The following SPOCK3 variants were observed in gnomAD, a reference collection of about 807,000 sequenced individuals.
The protein encoded by SPOCK3 is SPARC (osteonectin), cwcv and kazal like domains proteoglycan 3, also known as testican-3.
SPOCK3 carries 30 observed loss-of-function variants against 56.6 expected under a neutral mutation model. That is an observed-to-expected ratio of 0.53 (90% CI 0.40 to 0.72). SPOCK3 has a LOEUF of 0.72. Among genes scored for constraint, SPOCK3 ranks in the 30% least tolerant of loss-of-function variants. The pLI, the probability that SPOCK3 is intolerant of heterozygous loss-of-function variation, is 0.00. For missense variants in SPOCK3, 527 were observed against 530.0 expected, an observed-to-expected ratio of 0.99 and a Z score of 0.06; for synonymous variants, 196 against 183.3, an observed-to-expected ratio of 1.07 and a Z score of -0.56.
chr4:167,077,682 T>C, intron 2 of SPOCK3, among the ~76,000 whole-genome samples: 1 of 151,976 alleles, frequency 6.6e-6, no homozygotes, highest in South Asian at 2.1e-4. Flanking sequence ...CGATGCTCTG[T>C]ACTCCTCATT....
chr4:166,970,766 G>C (rs748006849), intron 4 of SPOCK3, among the ~76,000 whole-genome samples: 6 of 151,646 alleles, frequency 4.0e-5, no homozygotes, highest in Non-Finnish European at 7.4e-5. Flanking sequence ...CACAGGACTT[G>C]ATCACTTATA....
At chr4:166,886,799 A>G (rs1366372718) in intron 6 of SPOCK3, among the ~76,000 whole-genome samples, 1 of 152,210 alleles carries the variant, frequency 6.6e-6, no homozygotes, top group East Asian at 1.9e-4. Context: ...TACCTAAGGC[A>G]TGCTTCTAAT....
intron 2 of SPOCK3, among the ~76,000 whole-genome samples, chr4:167,095,215 C>A (rs1190976679): frequency 6.6e-6 from 1 of 151,986 alleles, no homozygotes; most frequent in Non-Finnish European, 1.5e-5. Context: ...TATCTGGGAA[C>A]CCTCTGGCCT....
chr4:166,806,136 C>T (rs1405197526), intron 6 of SPOCK3, among the ~76,000 whole-genome samples: 1 of 151,980 alleles, frequency 6.6e-6, no homozygotes, highest in African/African-American at 2.4e-5. Context: ...CACCTCATTG[C>T]TATTTAAATT....
At chr4:166,745,245 C>T (rs1348375333) in intron 8 of SPOCK3, among the ~76,000 whole-genome samples, 3 of 151,816 alleles carry the variant, frequency 2.0e-5, no homozygotes, top group South Asian at 2.1e-4. Flanking sequence ...AGAGAAAGGT[C>T]GGGTTACCCA....
At chr4:167,182,947 A>G (rs1049645683) in intron 2 of SPOCK3, among the ~76,000 whole-genome samples, 21 of 152,282 alleles carry the variant, frequency 1.4e-4, no homozygotes, top group African/African-American at 5.1e-4. Flanking sequence ...GCAGGTGCCT[A>G]TCCCTTAACT....
At position 167,140,770 on chromosome 4, in the gene SPOCK3, C is replaced by T. The variant is rs550778301; in HGVS notation, c.190-78233G>A. On this transcript the variant is annotated intron_variant, in intron 2 of 10. Coordinates refer to ENST00000357545, the MANE Select transcript of SPOCK3 (RefSeq NM_001040159.2). ...TTCAGAAAAACTTTGTCTCAGCCCACGGTCTGTTCTTTGGGCTTATTTATT... is the reference window on the plus strand; with the variant it reads ...TTCAGAAAAACTTTGTCTCAGCCCATGGTCTGTTCTTTGGGCTTATTTATT... Among the ~76,000 whole-genome samples the T allele has an allele frequency of 3.3e-5, 5 of 152,078 alleles. No individual in the cohort carries two copies. The South Asian group carries it at 1.0e-3, about 32-fold the overall frequency.
intron 6 of SPOCK3, among the ~76,000 whole-genome samples, chr4:166,802,438 G>A (rs895142843): frequency 1.3e-5 from 2 of 152,210 alleles, no homozygotes; most frequent in Non-Finnish European, 2.9e-5. Context: ...TTTGCATACT[G>A]TGCCAAGGTG....
chr4:166,921,323 A>AT (rs746455090), intron 4 of SPOCK3, among the ~76,000 whole-genome samples: 6,688 of 138,198 alleles, frequency 0.048, 540 homozygotes, highest in East Asian at 0.39. Flanking sequence ...CATGTGTTGA[A>AT]TTTTTTTTTT....
chr4:166,744,104 A>G (rs1735243619), intron 8 of SPOCK3, among the ~76,000 whole-genome samples: 1 of 152,192 alleles, frequency 6.6e-6, no homozygotes, highest in South Asian at 2.1e-4. Context: ...TGAAGAGAGC[A>G]GTGGTTCTCC....
chr4:166,872,734 T>C, intron 6 of SPOCK3, among the ~76,000 whole-genome samples: 1 of 152,200 alleles, frequency 6.6e-6, no homozygotes, highest in East Asian at 1.9e-4. Context: ...TATGAATGTC[T>C]TAGTTATTTT....
intron 6 of SPOCK3, among the ~76,000 whole-genome samples, chr4:166,794,961 G>A (rs1047909491): frequency 3.9e-5 from 6 of 151,986 alleles, no homozygotes; most frequent in African/African-American, 1.2e-4. Flanking sequence ...AAAATGTATC[G>A]TGCAGGTATA....
intron 2 of SPOCK3, among the ~76,000 whole-genome samples, chr4:167,207,278 T>C (rs1734438101): frequency 6.6e-6 from 1 of 151,976 alleles, no homozygotes; most frequent in East Asian, 1.9e-4. Flanking sequence ...TTTGACAAAA[T>C]AAACACCTGC....
intron 6 of SPOCK3, among the ~76,000 whole-genome samples, chr4:166,879,616 A>C (rs1424205136): frequency 6.6e-6 from 1 of 152,204 alleles, no homozygotes; most frequent in Non-Finnish European, 1.5e-5. Flanking sequence ...TATTTTCACC[A>C]CTTTCCCTCA....
At chr4:167,039,206 A>T (rs1393751569) in intron 3 of SPOCK3, among the ~76,000 whole-genome samples, 1 of 152,072 alleles carries the variant, frequency 6.6e-6, no homozygotes, top group Non-Finnish European at 1.5e-5. Flanking sequence ...TTGTGTGTCT[A>T]TCTGTCTTTT....
At chr4:166,895,529 G>A (rs1579567529) in intron 5 of SPOCK3, among the ~76,000 whole-genome samples, 3 of 152,208 alleles carry the variant, frequency 2.0e-5, no homozygotes, top group Admixed American at 2.0e-4. Flanking sequence ...CTTCAAAGTA[G>A]TAGATGATTT....
intron 7 of SPOCK3, among the ~76,000 whole-genome samples, chr4:166,790,489 G>T (rs1273788607): frequency 1.3e-5 from 2 of 151,992 alleles, no homozygotes; most frequent in Non-Finnish European, 2.9e-5. Flanking sequence ...TTTTTTTCTA[G>T]CTGGTCTCTG....
At chr4:167,011,236 T>A (rs1380027141) in intron 3 of SPOCK3, 2 of 455,098 alleles carry the variant, frequency 4.4e-6, no homozygotes, top group Admixed American at 2.4e-5. Context: ...CAAGTACTAA[T>A]CCAAAGGAAG....
At chr4:166,982,601 A>C (rs1401052812) in intron 4 of SPOCK3, among the ~76,000 whole-genome samples, 1 of 152,168 alleles carries the variant, frequency 6.6e-6, no homozygotes, top group Non-Finnish European at 1.5e-5. Context: ...CTATAGGTGA[A>C]AATAACATTT....
Sources: gnomAD v4.1 joint callset for allele counts (sites outside exome capture counted in the v4.1 genomes callset) on GRCh38, gnomAD v4.1.1 for gene constraint, MANE v1.5 for transcripts, NCBI Gene and HGNC (gene_info 2026-07-23, HGNC 2026-07-21) for gene names.